The following KCTD8 variants were observed in gnomAD, a reference collection of about 807,000 sequenced individuals.
KCTD8 encodes the protein potassium channel tetramerization domain containing 8.
KCTD8 carries 27 observed loss-of-function variants against 31.5 expected under a neutral mutation model. The ratio of observed to expected loss-of-function variants is 0.86; its 90% CI spans 0.63 to 1.18. The LOEUF is 1.18. Ranked by LOEUF, KCTD8 falls within the 50% of genes most tolerant of loss-of-function variation. The pLI is 0.00. For missense variants in KCTD8, 658 were observed against 647.7 expected (o/e 1.02, Z -0.17); for synonymous variants, 290 against 280.0 (o/e 1.04, Z -0.36).
chr4:44,411,706 T>C (rs1029678868), intron 1 of KCTD8, among the ~76,000 whole-genome samples: 8 of 151,930 alleles, frequency 5.3e-5, no homozygotes, highest in Admixed American at 4.6e-4. Flanking sequence ...CTTATTCCAA[T>C]ATGGCTGATC....
intron 1 of KCTD8, among the ~76,000 whole-genome samples, chr4:44,180,965 G>C (rs1242155988): frequency 2.0e-5 from 3 of 151,962 alleles, no homozygotes; most frequent in Non-Finnish European, 4.4e-5. Flanking sequence ...AGAATTTTAG[G>C]GGTCAAGGAT....
At chr4:44,421,650 C>T (rs187232437) in intron 1 of KCTD8, among the ~76,000 whole-genome samples, 1 of 151,976 alleles carries the variant, frequency 6.6e-6, no homozygotes, top group African/African-American at 2.4e-5. Context: ...TTTGGAGAGC[C>T]CTTATTCATA....
chr4:44,391,721 A>C (rs998257639), intron 1 of KCTD8, among the ~76,000 whole-genome samples: 2 of 151,844 alleles, frequency 1.3e-5, no homozygotes, highest in East Asian at 1.9e-4. Context: ...GTTGGGTCGA[A>C]GTTTTTGACT....
chr4:44,423,597 C>T (rs1721276094), intron 1 of KCTD8, among the ~76,000 whole-genome samples: 1 of 152,002 alleles, frequency 6.6e-6, no homozygotes, highest in Admixed American at 6.6e-5. Flanking sequence ...AATTCATCTC[C>T]TTTTAAAAGC....
At chr4:44,225,108 C>G (rs373030355) in intron 1 of KCTD8, among the ~76,000 whole-genome samples, 2 of 152,200 alleles carry the variant, frequency 1.3e-5, no homozygotes, top group African/African-American at 4.8e-5. Context: ...TGGTCTCTAC[C>G]AAACCTTTCA....
chr4:44,317,224 C>CTTTA, intron 1 of KCTD8, among the ~76,000 whole-genome samples: 1 of 55,806 alleles, frequency 1.8e-5, no homozygotes, highest in African/African-American at 9.5e-5. Context: ...CCTATGGGTG[C>CTTTA]TTTCTTTTTT....
intron 1 of KCTD8, among the ~76,000 whole-genome samples, chr4:44,351,798 C>T (rs746421722): frequency 7.2e-5 from 11 of 152,062 alleles, no homozygotes; most frequent in Admixed American, 1.3e-4. Context: ...ACAGCAGAGA[C>T]GGTATAGTTA....
At chr4:44,184,172 G>A (rs1412382689) in intron 1 of KCTD8, among the ~76,000 whole-genome samples, 1 of 152,208 alleles carries the variant, frequency 6.6e-6, no homozygotes, top group Non-Finnish European at 1.5e-5. Context: ...GGGCATGGAT[G>A]AGGGAGCAAG....
chr4:44,382,051 C>T (rs1415367415), intron 1 of KCTD8, among the ~76,000 whole-genome samples: 2 of 151,918 alleles, frequency 1.3e-5, no homozygotes, highest in Admixed American at 1.3e-4. Context: ...ATAGGTACCC[C>T]GAACAGGAGC....
intron 1 of KCTD8, among the ~76,000 whole-genome samples, chr4:44,193,628 A>T (rs550320200): frequency 1.3e-5 from 2 of 151,848 alleles, no homozygotes; most frequent in East Asian, 1.9e-4. Flanking sequence ...TTTATTTTAC[A>T]TCTAGGTATT....
At chr4:44,325,347 T>C (rs1718416415) in intron 1 of KCTD8, among the ~76,000 whole-genome samples, 1 of 152,014 alleles carries the variant, frequency 6.6e-6, no homozygotes, top group Non-Finnish European at 1.5e-5. Flanking sequence ...CTGAGACATC[T>C]GAAAATTCTA....
chr4:44,418,753 G>A (rs1410586251), intron 1 of KCTD8, among the ~76,000 whole-genome samples: 2 of 152,146 alleles, frequency 1.3e-5, no homozygotes, highest in South Asian at 2.1e-4. Context: ...TCAAGCCTCT[G>A]TCTTCTCATC....
intron 1 of KCTD8, among the ~76,000 whole-genome samples, chr4:44,307,804 T>C (rs1436121130): frequency 6.6e-6 from 1 of 151,926 alleles, no homozygotes; most frequent in Non-Finnish European, 1.5e-5. Context: ...CATAACTCTT[T>C]TTCCGCAAAA....
intron 1 of KCTD8, among the ~76,000 whole-genome samples, chr4:44,256,271 T>C (rs1178507858): frequency 4.6e-5 from 7 of 151,820 alleles, no homozygotes; most frequent in Non-Finnish European, 8.8e-5. Flanking sequence ...TAAAATAAGA[T>C]ATTCTGTTCA....
chr4:44,297,621 T>C (rs1176344915), intron 1 of KCTD8, among the ~76,000 whole-genome samples: 2 of 152,168 alleles, frequency 1.3e-5, no homozygotes, highest in African/African-American at 4.8e-5. Flanking sequence ...GAGTAGAGGC[T>C]GTGAATATTA....
chr4:44,204,310 T>C (rs1481301371), intron 1 of KCTD8, among the ~76,000 whole-genome samples: 1 of 151,956 alleles, frequency 6.6e-6, no homozygotes, highest in African/African-American at 2.4e-5. Flanking sequence ...AAATAAAAAA[T>C]AAAAGGCAGA....
At chr4:44,384,350 C>T (rs772661715) in intron 1 of KCTD8, among the ~76,000 whole-genome samples, 1 of 151,684 alleles carries the variant, frequency 6.6e-6, no homozygotes, top group Non-Finnish European at 1.5e-5. Flanking sequence ...CACATTCCTA[C>T]GTTTATTAGA....
At chr4:44,187,236 T>C (rs531534760) in intron 1 of KCTD8, among the ~76,000 whole-genome samples, 2 of 152,344 alleles carry the variant, frequency 1.3e-5, no homozygotes, top group African/African-American at 2.4e-5. Context: ...ACTTACATGA[T>C]TGCACCTCAT....
chr4:44,358,332 T>C (rs370769646), intron 1 of KCTD8, among the ~76,000 whole-genome samples: 52 of 152,312 alleles, frequency 3.4e-4, no homozygotes, highest in African/African-American at 1.1e-3. Flanking sequence ...GTCTTTGCTA[T>C]TGTGAACAGT....
Sources: allele counts gnomAD v4.1 joint callset (sites outside exome capture counted in the v4.1 genomes callset), GRCh38; gene constraint gnomAD v4.1.1; transcripts MANE v1.5; gene names NCBI Gene and HGNC (gene_info 2026-07-23, HGNC 2026-07-21).